The following ADAMTS18 variants were observed in gnomAD, a reference collection of about 807,000 sequenced individuals.
The protein encoded by ADAMTS18 is A disintegrin and metalloproteinase with thrombospondin motifs 18.
ADAMTS18 carries 157 observed loss-of-function variants against 165.9 expected under a neutral mutation model. The observed-to-expected ratio is 0.95, with a 90% CI of 0.83 to 1.08. The LOEUF is 1.08. Among genes scored for constraint, ADAMTS18 ranks in the 50% least tolerant of loss-of-function variants. The pLI, the probability that ADAMTS18 is intolerant of heterozygous loss-of-function variation, is 0.00. For missense variants in ADAMTS18, 2,040 were observed against 1,534.0 expected (o/e 1.33, Z -5.51); for synonymous variants, 782 against 578.2 (o/e 1.35, Z -5.06).
intron 11 of ADAMTS18, 56 bp downstream of exon 11, chr16:77,341,648 G>A: frequency 7.1e-7 from 1 of 1,403,630 alleles, no homozygotes; most frequent in Non-Finnish European, 1.0e-6. Context: ...CAAACAGTTT[G>A]AATTCTATGC....
chr16:77,431,552 TGTC>T lies in ADAMTS18; in HGVS notation c.235_237del (p.Asp79del), dbSNP rs772574788. 2.5e-6 allele frequency: 4 copies of T among 1,614,138 alleles called. No homozygotes were observed. Among genetic ancestry groups the T allele is most frequent in the Admixed American group, 3.3e-5 (2 of 60,018 alleles). ...CGCTTTTTCCTGCCGTTGTGCAAAA[TGTC>T]GTGTGAAATATATGACCCGGCTGAG... On this transcript the variant is annotated inframe_deletion, in exon 3 of 23. Coordinates refer to ENST00000282849, the MANE Select transcript of ADAMTS18 (RefSeq NM_199355.4).
intron 3 of ADAMTS18, among the ~76,000 whole-genome samples, chr16:77,409,450 A>C (rs1309624013): frequency 6.6e-6 from 1 of 152,220 alleles, no homozygotes; most frequent in African/African-American, 2.4e-5. Context: ...CACAGAGAAT[A>C]ACAAAAAACT....
At chr16:77,429,018 G>T (rs772640573) in intron 3 of ADAMTS18, among the ~76,000 whole-genome samples, 1 of 152,120 alleles carries the variant, frequency 6.6e-6, no homozygotes, top group Non-Finnish European at 1.5e-5. Flanking sequence ...CAACCATTGT[G>T]GAAAGCAGTA....
At chr16:77,384,224 A>G (rs1299181158) in intron 3 of ADAMTS18, among the ~76,000 whole-genome samples, 1 of 152,030 alleles carries the variant, frequency 6.6e-6, no homozygotes, top group African/African-American at 2.4e-5. Context: ...CATTTAAGAA[A>G]CTCCTCTACT....
chr16:77,351,855 C>T (rs892579122), intron 10 of ADAMTS18, among the ~76,000 whole-genome samples: 1 of 152,264 alleles, frequency 6.6e-6, no homozygotes, highest in South Asian at 2.1e-4. Context: ...CTGCCTCAGC[C>T]TCCCTAGTAG....
chr16:77,286,026 T>TAAATCTGA (rs1242109529), intron 22 of ADAMTS18, among the ~76,000 whole-genome samples: 1 of 152,202 alleles, frequency 6.6e-6, no homozygotes, highest in African/African-American at 2.4e-5. Context: ...TACTCAGCGT[T>TAAATCTGA]AAATCTGAAA....
intron 3 of ADAMTS18, among the ~76,000 whole-genome samples, chr16:77,388,918 G>A (rs1321363381): frequency 6.6e-6 from 1 of 152,170 alleles, no homozygotes; most frequent in Non-Finnish European, 1.5e-5. Flanking sequence ...TTTGTGTCAA[G>A]GTAGCAACTT....
At chr16:77,409,037 T>C (rs1362619194) in intron 3 of ADAMTS18, among the ~76,000 whole-genome samples, 1 of 152,158 alleles carries the variant, frequency 6.6e-6, no homozygotes, top group East Asian at 1.9e-4. Flanking sequence ...ATCATAAGTA[T>C]GTGTATATAT....
chr16:77,381,930 G>C (rs1567528777), intron 3 of ADAMTS18, among the ~76,000 whole-genome samples: 1 of 152,126 alleles, frequency 6.6e-6, no homozygotes, highest in South Asian at 2.1e-4. Context: ...GACATACCTG[G>C]CTCAATTGTT....
At chr16:77,430,173 C>CAAACAAAA in intron 3 of ADAMTS18, among the ~76,000 whole-genome samples, 1 of 151,712 alleles carries the variant, frequency 6.6e-6, no homozygotes, top group African/African-American at 2.4e-5. Flanking sequence ...AACAAACAAA[C>CAAACAAAA]AAAAAAACAA....
At chr16:77,301,376 A>G (rs2055579749) in intron 16 of ADAMTS18, among the ~76,000 whole-genome samples, 1 of 152,176 alleles carries the variant, frequency 6.6e-6, no homozygotes, top group Non-Finnish European at 1.5e-5. Context: ...GTGCCTACAC[A>G]ATGCAATGTA....
intron 6 of ADAMTS18, among the ~76,000 whole-genome samples, chr16:77,363,175 G>A (rs1367779076): frequency 6.6e-6 from 1 of 152,162 alleles, no homozygotes; most frequent in African/African-American, 2.4e-5. Flanking sequence ...CTACAAAGCA[G>A]TGAGTACCAT....
chr16:77,309,233 G>T (rs2055736288), intron 16 of ADAMTS18, among the ~76,000 whole-genome samples: 1 of 150,960 alleles, frequency 6.6e-6, no homozygotes, highest in Non-Finnish European at 1.5e-5. Context: ...TTTTTTCTGG[G>T]AAATACAGAA....
At chr16:77,411,868 T>C (rs1323531839) in intron 3 of ADAMTS18, among the ~76,000 whole-genome samples, 1 of 151,712 alleles carries the variant, frequency 6.6e-6, no homozygotes, top group African/African-American at 2.4e-5. Flanking sequence ...TTGGTATTTT[T>C]AATAGAGACG....
chr16:77,382,401 G>A (rs865978923), intron 3 of ADAMTS18, among the ~76,000 whole-genome samples: 126 of 152,178 alleles, frequency 8.3e-4, no homozygotes, highest in African/African-American at 2.8e-3. Flanking sequence ...TAGTAGAGAC[G>A]GGGTTTCACC....
intron 22 of ADAMTS18, among the ~76,000 whole-genome samples, chr16:77,284,572 G>A (rs774535609): frequency 5.9e-5 from 9 of 152,116 alleles, no homozygotes; most frequent in Admixed American, 1.3e-4. Context: ...TTTGGTAGGG[G>A]GGTGAGGTAG....
Position 77,365,245 on chromosome 16 carries a change from G to C in ADAMTS18, c.779-864C>G, listed in dbSNP as rs185025926. Among the ~76,000 whole-genome samples the C allele has an allele frequency of 9.3e-4, 141 of 152,270 alleles. 2 individuals carry two copies. The highest frequency in any genetic ancestry group is 1.2e-4 in the Non-Finnish European group (8 of 68,028). ...TCAACAAAAATCAATTTTGTGGGGA[G>C]AAATTTTGAAAGCAGAAAATGCTCA... On this transcript the variant is annotated intron_variant, in intron 4 of 22. Coordinates refer to ENST00000282849, the MANE Select transcript of ADAMTS18 (RefSeq NM_199355.4).
intron 17 of ADAMTS18, chr16:77,299,909 C>G (rs1266903887): frequency 6.3e-6 from 1 of 157,718 alleles, no homozygotes; most frequent in Non-Finnish European, 1.4e-5. Flanking sequence ...TTAATAATGA[C>G]AGAAAAGCCA....
At chr16:77,431,679 G>A (rs2057742831) in intron 2 of ADAMTS18, 68 bp from the exon 3 acceptor site, 6 of 1,530,202 alleles carry the variant, frequency 3.9e-6, no homozygotes, top group African/African-American at 1.4e-5. Context: ...TTTCCAGCAA[G>A]CTGGCAAAGA....
Sources: allele counts gnomAD v4.1 joint callset (sites outside exome capture counted in the v4.1 genomes callset), GRCh38; gene constraint gnomAD v4.1.1; transcripts MANE v1.5; gene names NCBI Gene and HGNC (gene_info 2026-07-23, HGNC 2026-07-21).